Variants in CD163L1 observed in about 807,000 individuals in gnomAD.
The protein encoded by CD163L1 is scavenger receptor cysteine-rich type 1 protein M160.
Under a neutral mutation model 165.4 loss-of-function variants are expected in CD163L1, and 124 were observed. The observed-to-expected ratio is 0.75, with a 90% CI of 0.65 to 0.87. The LOEUF is 0.87. Ranked by LOEUF, CD163L1 falls within the 40% of genes least tolerant of loss-of-function variation. The pLI is 0.00. For missense variants in CD163L1, 1,525 were observed against 1,799.9 expected, an observed-to-expected ratio of 0.85 and a Z score of 2.76; for synonymous variants, 585 against 662.2, an observed-to-expected ratio of 0.88 and a Z score of 1.79.
rs1947111521 is a variant in CD163L1, at chr12:7,369,949, T to C, written c.3731-284A>G. On this transcript the variant is annotated intron_variant, in intron 14 of 19. Transcript: ENST00000313599. The surrounding 1 kb of genome is among the most constrained non-coding windows in gnomAD (Gnocchi z 4.9). ...GATGTTTGAAAACAAAACATATTGA[T>C]TTCATTTTCCAAATTTCAGTGTCCT... 6.6e-6 allele frequency among the ~76,000 whole-genome samples: 1 copy of C among 152,182 alleles called. No individual in the cohort carries two copies. The highest frequency in any genetic ancestry group is 2.1e-4 in the South Asian group (1 of 4,824).
At position 7,398,661 on chromosome 12, in the gene CD163L1, T is replaced by A. The variant is rs2136506091; in HGVS notation, c.1409-77A>T. On this transcript the variant is annotated intron_variant, in intron 6 of 19. Coordinates refer to ENST00000313599, the MANE Select transcript of CD163L1 (RefSeq NM_174941.6). This position sits in a 1 kb window ranked among gnomAD's most constrained non-coding sequence, Gnocchi z 4.5. ...AGAAGACTGAAAAGACTCTCTAAATTCACGACTATAAGGCTTTGCCTAACA... is the reference window on the plus strand; with the variant it reads ...AGAAGACTGAAAAGACTCTCTAAATACACGACTATAAGGCTTTGCCTAACA... 2.3e-6 allele frequency: 3 copies of A among 1,288,112 alleles called. No homozygotes were observed. In the East Asian group the frequency reaches 7.1e-5, roughly 31 times the overall value. 79.8% of individuals were successfully genotyped at this position (1,288,112 alleles called of 1,614,324 possible). A position where few individuals can be genotyped will look rare whatever the true frequency, so the allele number is the denominator to read the frequency against.
intron 8 of CD163L1, among the ~76,000 whole-genome samples, chr12:7,390,825 C>T (rs1947639239): frequency 6.6e-6 from 1 of 151,944 alleles, no homozygotes; most frequent in African/African-American, 2.4e-5. Flanking sequence ...TCAGGGAGTC[C>T]AACTCTTTTA....
chr12:7,434,496 T>G (rs1591971188), intron 2 of CD163L1, among the ~76,000 whole-genome samples: 1 of 152,214 alleles, frequency 6.6e-6, no homozygotes, highest in East Asian at 1.9e-4. Context: ...CAATAAAAAT[T>G]TAAATGGAAA....
chr12:7,371,971 G>A (rs1017634471), intron 14 of CD163L1, among the ~76,000 whole-genome samples: 58 of 151,826 alleles, frequency 3.8e-4, no homozygotes, highest in Non-Finnish European at 1.6e-4. Flanking sequence ...GGTGATATCT[G>A]TGTTTTTTTC....
intron 4 of CD163L1, among the ~76,000 whole-genome samples, chr12:7,412,252 T>C (rs1434323164): frequency 1.3e-5 from 2 of 152,210 alleles, no homozygotes; most frequent in Admixed American, 1.3e-4. Context: ...TTCCCTCACT[T>C]AAGGTCACAT....
intron 4 of CD163L1, among the ~76,000 whole-genome samples, chr12:7,430,502 G>T (rs1948610393): frequency 6.6e-6 from 1 of 152,110 alleles, no homozygotes; most frequent in Admixed American, 6.6e-5. Flanking sequence ...AAATTAACCA[G>T]TTAAAACATA....
chr12:7,394,429 C>T (rs968212793), intron 8 of CD163L1, among the ~76,000 whole-genome samples: 3 of 152,048 alleles, frequency 2.0e-5, no homozygotes, highest in African/African-American at 4.8e-5. Context: ...TTACACCTTA[C>T]ACAAAAATTA....
At chr12:7,387,632 C>T (rs1947546640) in intron 8 of CD163L1, among the ~76,000 whole-genome samples, 1 of 152,158 alleles carries the variant, frequency 6.6e-6, no homozygotes, top group Non-Finnish European at 1.5e-5. Context: ...TCATGTGATG[C>T]TGGCTCCCCT....
the CD163L1 span, among the ~76,000 whole-genome samples, chr12:7,334,440 AC>A: frequency 3.3e-5 from 5 of 152,136 alleles, no homozygotes; most frequent in East Asian, 1.9e-4. Context: ...AAATTCAACA[AC>A]CCTTCATGCT....
intron 4 of CD163L1, among the ~76,000 whole-genome samples, chr12:7,349,548 T>A (rs1946693849): frequency 6.6e-6 from 1 of 152,106 alleles, no homozygotes; most frequent in South Asian, 2.1e-4. Flanking sequence ...ATGACTGGAA[T>A]AACAAACCAC....
Position 7,434,652 on chromosome 12 carries a change from G to A in CD163L1, c.125-958C>T, listed in dbSNP as rs764827806. Among the ~76,000 whole-genome samples the A allele has an allele frequency of 7.3e-5, 11 of 151,520 alleles. No individual in the cohort carries two copies. In the South Asian group the frequency reaches 2.3e-3, roughly 32 times the overall value. On this transcript the variant is annotated intron_variant, in intron 2 of 19. Transcript: ENST00000313599. Reference sequence around the variant, plus strand: ...AAGGGACAAAGAGAAGCAATAAGGAGGAAGAAAAAGATGAAAAAAGAGAAA... The same window carrying A: ...AAGGGACAAAGAGAAGCAATAAGGAAGAAGAAAAAGATGAAAAAAGAGAAA...
intron 4 of CD163L1, among the ~76,000 whole-genome samples, chr12:7,430,127 C>T (rs1021392822): frequency 6.6e-6 from 1 of 152,172 alleles, no homozygotes; most frequent in African/African-American, 2.4e-5. Flanking sequence ...TAAAGACTTA[C>T]ATTAAGTGAG....
chr12:7,360,216 C>T (rs561780889), intron 18 of CD163L1, among the ~76,000 whole-genome samples: 1 of 152,034 alleles, frequency 6.6e-6, no homozygotes, highest in South Asian at 2.1e-4. Flanking sequence ...GATTTCGGCT[C>T]ACTGCAGACT....
the CD163L1 span, among the ~76,000 whole-genome samples, chr12:7,325,236 G>T: frequency 6.6e-6 from 1 of 152,196 alleles, no homozygotes; most frequent in Non-Finnish European, 1.5e-5. Context: ...ATACTCCATA[G>T]GAAAATTAGT....
intron 8 of CD163L1, among the ~76,000 whole-genome samples, chr12:7,390,294 G>C (rs971474865): frequency 6.6e-6 from 1 of 151,926 alleles, no homozygotes; most frequent in Non-Finnish European, 1.5e-5. Flanking sequence ...TAGCACAGTA[G>C]GGTGACTATA....
rs143262670 is a variant in CD163L1 at position 7,420,593 on chromosome 12, C to T, written c.766+11823G>A. Among the ~76,000 whole-genome samples the T allele has an allele frequency of 4.0e-5, 6 of 151,886 alleles. No individual in the cohort carries two copies. The East Asian group carries it at 1.2e-3, about 29-fold the overall frequency. On this transcript the variant is annotated intron_variant, in intron 4 of 19. Transcript: ENST00000313599. ...CAAAAGAAAAAATACAAATGACCAA[C>T]AAAGATGAAAAAACTCTCAACATCA...
chr12:7,414,529 A>G (rs1948199555), intron 4 of CD163L1, among the ~76,000 whole-genome samples: 1 of 150,368 alleles, frequency 6.7e-6, no homozygotes, highest in Admixed American at 6.6e-5. Context: ...GAAAAAGAAA[A>G]ACAACAGAAA....
At chr12:7,352,534 CA>C (rs1946714557), downstream of CD163L1, among the ~76,000 whole-genome samples, 2 of 152,184 alleles carry the variant, frequency 1.3e-5, no homozygotes, top group Non-Finnish European at 2.9e-5. Flanking sequence ...GGGCAGACTT[CA>C]AAAGTACTTG....
chr12:7,407,561 C>T (rs770081858), intron 4 of CD163L1, among the ~76,000 whole-genome samples: 2 of 150,402 alleles, frequency 1.3e-5, no homozygotes, highest in East Asian at 2.0e-4. Context: ...TTGACCACTA[C>T]GTATATGTAT....
Sources: allele counts gnomAD v4.1 joint callset (sites outside exome capture counted in the v4.1 genomes callset), GRCh38; gene constraint gnomAD v4.1.1; non-coding constraint Gnocchi (gnomAD v3.1); transcripts MANE v1.5; gene names NCBI Gene and HGNC (gene_info 2026-07-23, HGNC 2026-07-21).